The following DZIP1 variants were observed in gnomAD, a reference collection of about 807,000 sequenced individuals.
The protein encoded by DZIP1 is DAZ interacting zinc finger protein 1.
A neutral mutation model predicts 107.6 loss-of-function variants in DZIP1; 97 were observed. The observed-to-expected ratio is 0.90, with a 90% CI of 0.77 to 1.07. DZIP1 has a LOEUF of 1.07. Among genes scored for constraint, DZIP1 ranks in the 50% least tolerant of loss-of-function variants. The pLI is 0.00. For missense variants in DZIP1, 1,035 were observed against 1,063.6 expected (o/e 0.97, Z 0.37); for synonymous variants, 390 against 386.4 (o/e 1.01, Z -0.11).
At chr13:95,602,357 A>G (rs1207954411) in intron 14 of DZIP1, among the ~76,000 whole-genome samples, 1 of 152,168 alleles carries the variant, frequency 6.6e-6, no homozygotes, top group Non-Finnish European at 1.5e-5. Flanking sequence ...GTCTTCCCAG[A>G]GTCTCCCAAA....
Position 95,630,516 on chromosome 13 carries a change from C to A in DZIP1, c.686-403G>T, listed in dbSNP as rs149414509. Among the ~76,000 whole-genome samples the A allele has an allele frequency of 1.7e-3, 254 of 152,204 alleles. 1 individual carries two copies. The highest frequency in any genetic ancestry group is 6.0e-3 in the African/African-American group (248 of 41,522). On this transcript the variant is annotated intron_variant, in intron 6 of 22. Coordinates refer to ENST00000376829, the MANE Select transcript of DZIP1 (RefSeq NM_198968.4). ...TCTGCAGGCACCACCATACTGAAAT[C>A]TCTGTGGTCACCATCCTTTAGGTGC...
At chr13:95,593,502 A>C (rs901205286) in intron 16 of DZIP1, among the ~76,000 whole-genome samples, 1 of 152,368 alleles carries the variant, frequency 6.6e-6, no homozygotes. Context: ...TCTGGCAACA[A>C]TATGAAATCC....
Position 95,581,710 on chromosome 13 carries a change from C to T in DZIP1, c.*524G>A, listed in dbSNP as rs2044015886. On this transcript the variant is annotated 3_prime_UTR_variant, in exon 23 of 23. Coordinates refer to ENST00000376829, the MANE Select transcript of DZIP1 (RefSeq NM_198968.4). The stretch of plus-strand genomic sequence containing the variant: ...TAGCTGGGATTAAAGGTGAACACCA[C>T]CACACTCGGATTAAACTTACTTCTA... The T allele has an allele frequency of 6.6e-6, 1 of 152,344 alleles. No individual in the cohort carries two copies. Among genetic ancestry groups the T allele is most frequent in the Non-Finnish European group, 1.5e-5 (1 of 68,184 alleles). The allele number at this position is 152,344 out of a possible 1,614,324, so 9.4% of individuals were successfully genotyped here. A position where few individuals can be genotyped will look rare whatever the true frequency, so the allele number is the denominator to read the frequency against.
Position 95,641,430 on chromosome 13 carries a change from G to T in DZIP1, c.462C>A (p.Cys154Ter), listed in dbSNP as rs148665107. 38 of 1,614,012 alleles carry T rather than the reference G, an allele frequency of 2.4e-5. No homozygotes were observed. Among genetic ancestry groups the T allele is most frequent in the Non-Finnish European group, 3.0e-5 (35 of 1,180,022 alleles). The stretch of plus-strand genomic sequence containing the variant: ...GCAGCTTCTTGCTCTGCTCGCCGTC[G>T]CAGTGGCTCAGGCGCAGCCGCTCCT... ...TLEERLRLSHCDGEQSKKLLT... is the reference protein window; with the variant it reads ...TLEERLRLSH The change falls in exon 5 of 23, where the codon TGC becomes TGA. Residue 154 changes from cysteine (C) to a stop codon, truncating the protein, a stop_gained. Transcript: ENST00000376829. LOFTEE classifies it high-confidence loss of function. This position sits in a 1 kb window ranked among gnomAD's most constrained non-coding sequence, Gnocchi z 4.3.
intron 10 of DZIP1, among the ~76,000 whole-genome samples, chr13:95,612,727 G>A (rs1172735729): frequency 6.6e-6 from 1 of 152,096 alleles, no homozygotes. Context: ...TGGGATTACA[G>A]GCCCACACAA....
chr13:95,589,600 G>T (rs1394744690), intron 18 of DZIP1, among the ~76,000 whole-genome samples: 1 of 152,222 alleles, frequency 6.6e-6, no homozygotes, highest in Non-Finnish European at 1.5e-5. Flanking sequence ...ACCATCTGGA[G>T]GCATGGCAAG....
Position 95,641,893 on chromosome 13 carries a change from G to C in DZIP1, c.37-38C>G, listed in dbSNP as rs1594750802. On this transcript the variant is annotated intron_variant, in intron 4 of 22. Coordinates refer to ENST00000376829, the MANE Select transcript of DZIP1 (RefSeq NM_198968.4). The surrounding 1 kb of genome is among the most constrained non-coding windows in gnomAD (Gnocchi z 4.3). The stretch of plus-strand genomic sequence containing the variant: ...CAAAGAGAGCGCGGCGGGAGGCGGG[G>C]ATGGGGGGCGGGCAGGCTGGGGAGC... 5 of 1,115,950 alleles carry C rather than the reference G, an allele frequency of 4.5e-6. No individual in the cohort carries two copies. The East Asian group carries it at 3.1e-4, about 68-fold the overall frequency. 69.1% of individuals were successfully genotyped at this position (1,115,950 alleles called of 1,614,324 possible).
rs529852421 is a variant in DZIP1, at chr13:95,633,764, G to C, written c.598-443C>G. 4.0e-5 allele frequency among the ~76,000 whole-genome samples: 6 copies of C among 150,802 alleles called. No individual in the cohort carries two copies. In the South Asian group the frequency reaches 1.3e-3, roughly 32 times the overall value. ...TCGCTGAACGATACCATCCTAGCAA[G>C]AGATACTGAAAGCATGACTAATAGA... is the stretch of plus-strand genomic sequence containing the variant. On this transcript the variant is annotated intron_variant, in intron 5 of 22. Transcript: ENST00000376829.
chr13:95,621,836 G>T (rs751164010), intron 9 of DZIP1, among the ~76,000 whole-genome samples: 19 of 151,778 alleles, frequency 1.3e-4, no homozygotes, highest in African/African-American at 3.4e-4. Flanking sequence ...TCCTGCCTCA[G>T]CCCTCCGAGA....
At position 95,590,434 on chromosome 13, in the gene DZIP1, C is replaced by A; in HGVS notation, c.1688G>T (p.Arg563Leu). 6.2e-7 allele frequency: 1 copy of A among 1,600,586 alleles called. No homozygotes were observed. Reference sequence around the variant, plus strand: ...ATGCAACTGATCACTTGAAATGCCACGTATATCCTGAAAGAATAAGATGTT... The same window carrying A: ...ATGCAACTGATCACTTGAAATGCCAAGTATATCCTGAAAGAATAAGATGTT... ...LETLGINADI[R>L]GISSDQLHRV... is the part of the protein sequence containing the mutation. The change falls in exon 17 of 23, where the codon CGT becomes CTT. Residue 563 changes from arginine to leucine, a missense_variant. Arg to Leu is a moderately radical substitution (Grantham distance 102). Coordinates refer to ENST00000376829, the MANE Select transcript of DZIP1 (RefSeq NM_198968.4).
chr13:95,600,394 A>G (rs74109008), intron 14 of DZIP1, among the ~76,000 whole-genome samples: 3,022 of 152,224 alleles, frequency 0.02, 96 homozygotes, highest in African/African-American at 0.068. Flanking sequence ...GTGGGTGATG[A>G]GCCAGGGTAA....
chr13:95,615,270 T>C (rs1392506107), intron 10 of DZIP1, among the ~76,000 whole-genome samples: 2 of 152,212 alleles, frequency 1.3e-5, no homozygotes, highest in Admixed American at 1.3e-4. Context: ...CAGAGGCCAC[T>C]GAAATTCCCA....
At chr13:95,613,498 C>T (rs973147184) in intron 10 of DZIP1, among the ~76,000 whole-genome samples, 73 of 145,252 alleles carry the variant, frequency 5.0e-4, no homozygotes, top group East Asian at 4.0e-4. Context: ...GGTGACAGAG[C>T]GAGATTCCGT....
At chr13:95,617,346 A>C (rs1203019076) in intron 10 of DZIP1, among the ~76,000 whole-genome samples, 1 of 152,178 alleles carries the variant, frequency 6.6e-6, no homozygotes, top group Non-Finnish European at 1.5e-5. Context: ...GGAACCTGAT[A>C]GTCTCAGCCC....
At chr13:95,633,383 A>G (rs866979422) in intron 5 of DZIP1, 62 bp from the exon 6 acceptor site, 42 of 1,450,022 alleles carry the variant, frequency 2.9e-5, no homozygotes, top group South Asian at 2.6e-4. Flanking sequence ...CTTAATTGCA[A>G]TTAAAATTCA....
At chr13:95,609,914 C>T (rs989688282) in intron 12 of DZIP1, among the ~76,000 whole-genome samples, 13 of 152,140 alleles carry the variant, frequency 8.5e-5, no homozygotes, top group South Asian at 2.1e-4. Flanking sequence ...CAACCTGAGA[C>T]GTGCAGGAAC....
intron 15 of DZIP1, among the ~76,000 whole-genome samples, chr13:95,597,041 C>T (rs2044475675): frequency 6.6e-6 from 1 of 152,212 alleles, no homozygotes; most frequent in Non-Finnish European, 1.5e-5. Flanking sequence ...TGGAGCATGA[C>T]AAGAGTTATT....
intron 15 of DZIP1, among the ~76,000 whole-genome samples, chr13:95,595,380 C>T (rs1250493670): frequency 3.3e-5 from 5 of 151,942 alleles, no homozygotes; most frequent in Non-Finnish European, 7.4e-5. Flanking sequence ...AATAGAAGAA[C>T]AAAATCCTGC....
At chr13:95,594,537 C>T (rs1324386813) in intron 15 of DZIP1, among the ~76,000 whole-genome samples, 1 of 152,136 alleles carries the variant, frequency 6.6e-6, no homozygotes, top group Non-Finnish European at 1.5e-5. Context: ...CAGTGGCTCA[C>T]ACCTGTAATC....
Sources: gnomAD v4.1 joint callset for allele counts (sites outside exome capture counted in the v4.1 genomes callset) on GRCh38, gnomAD v4.1.1 for gene constraint, Gnocchi (gnomAD v3.1) non-coding constraint, MANE v1.5 for transcripts, NCBI Gene and HGNC (gene_info 2026-07-23, HGNC 2026-07-21) for gene names.